Variants in TENM4 observed in about 807,000 individuals in gnomAD.
TENM4 encodes the protein teneurin-4.
Under a neutral mutation model 243.3 loss-of-function variants are expected in TENM4, and 82 were observed. That is an observed-to-expected ratio of 0.34 (90% CI 0.28 to 0.40). The LOEUF (loss-of-function observed/expected upper bound fraction) is 0.40. TENM4 is among the 10% of genes least tolerant of loss of function. TENM4 has a pLI of 1.00. For synonymous variants in TENM4, 1,412 were observed against 1,456.3 expected (o/e 0.97, Z 0.69); for missense variants, 3,138 against 3,673.3 (o/e 0.85, Z 3.77).
At chr11:78,677,013 G>A (rs1412075160) in intron 29 of TENM4, among the ~76,000 whole-genome samples, 1 of 152,116 alleles carries the variant, frequency 6.6e-6, no homozygotes, top group East Asian at 1.9e-4. Context: ...GAATGGGTAT[G>A]GGATTTCTCT....
At chr11:79,226,844 A>G (rs1864276759) in intron 2 of TENM4, among the ~76,000 whole-genome samples, 1 of 152,198 alleles carries the variant, frequency 6.6e-6, no homozygotes, top group South Asian at 2.1e-4. Context: ...GAAATTAGAA[A>G]AGAGCAAGAG....
chr11:78,763,340 C>T (rs940050703), intron 18 of TENM4, among the ~76,000 whole-genome samples: 1 of 152,088 alleles, frequency 6.6e-6, no homozygotes, highest in Non-Finnish European at 1.5e-5. Context: ...AGCCATGCTG[C>T]ACTCGAGTGG....
chr11:79,249,064 C>T (rs927451494), intron 2 of TENM4, among the ~76,000 whole-genome samples: 1 of 152,204 alleles, frequency 6.6e-6, no homozygotes, highest in Non-Finnish European at 1.5e-5. Context: ...TATTTAGCAT[C>T]ATTGACACAA....
chr11:79,134,069 T>C (rs1274151231), intron 4 of TENM4, among the ~76,000 whole-genome samples: 6 of 152,114 alleles, frequency 3.9e-5, no homozygotes, highest in Non-Finnish European at 7.4e-5. Flanking sequence ...CACTGTTTGC[T>C]GAAGATATGA....
rs1491578407 is a variant in TENM4 at position 79,138,331 on chromosome 11, T to TATATATA, written c.-66+10372_-66+10378dup. Among the ~76,000 whole-genome samples, 211 of 76,130 alleles carry TATATATA rather than the reference T, an allele frequency of 2.8e-3. 1 individual carries two copies. The highest frequency in any genetic ancestry group is 0.012 in the African/African-American group (193 of 15,662). 49.9% of individuals were successfully genotyped at this position (76,130 alleles called of 152,430 possible). On this transcript the variant is annotated intron_variant, in intron 4 of 33. Transcript: ENST00000278550. ...CCCCTTTATATATATATATATATAT[T>TATATATA]ATATATATAATATATAAAAATATAT...
At chr11:79,412,695 C>T (rs1357643015) in intron 1 of TENM4, among the ~76,000 whole-genome samples, 2 of 152,186 alleles carry the variant, frequency 1.3e-5, no homozygotes, top group Non-Finnish European at 2.9e-5. Flanking sequence ...CAAATAAATA[C>T]TCATCCCATC....
intron 6 of TENM4, among the ~76,000 whole-genome samples, chr11:78,954,320 C>A (rs1006785993): frequency 3.3e-5 from 5 of 152,188 alleles, no homozygotes; most frequent in Non-Finnish European, 1.5e-5. Flanking sequence ...GGTGAGCAGG[C>A]TGTGTGGGGG....
chr11:79,334,951 T>C (rs1484461585), intron 1 of TENM4, among the ~76,000 whole-genome samples: 3 of 152,238 alleles, frequency 2.0e-5, no homozygotes, highest in Non-Finnish European at 2.9e-5. Context: ...TACCGTGCCC[T>C]CCAACAAATG....
At chr11:79,320,569 C>T (rs1176549776) in intron 1 of TENM4, among the ~76,000 whole-genome samples, 7 of 152,160 alleles carry the variant, frequency 4.6e-5, no homozygotes, top group Non-Finnish European at 7.3e-5. Context: ...AGTTGAGAAG[C>T]TTGTCCAATG....
chr11:78,949,277 G>C (rs1359148929), intron 6 of TENM4, among the ~76,000 whole-genome samples: 1 of 152,146 alleles, frequency 6.6e-6, no homozygotes, highest in Non-Finnish European at 1.5e-5. Context: ...TTAATGCTCA[G>C]GCCCTTCCTT....
rs1242527390 is a variant in TENM4 at position 78,669,655 on chromosome 11, G to C, written c.6690C>G (p.Asn2230Lys). ...ACCGTAGTGGTGTGAGCCGTGCACTGTTCCCAGGGCTCAGTAAGTGCAGGT... is the reference window on the plus strand; with the variant it reads ...ACCGTAGTGGTGTGAGCCGTGCACTCTTCCCAGGGCTCAGTAAGTGCAGGT... The part of the protein sequence containing the change: ...NGNLHLLSPG[N>K]SARLTPLRYD... The change falls in exon 32 of 34, where the codon AAC (asparagine) becomes AAG (lysine). Residue 2230 changes from asparagine (N) to lysine (K), a missense_variant. By Grantham distance (94) the Asn-to-Lys change is moderately conservative (BLOSUM62 0). Transcript: ENST00000278550. The surrounding 1 kb of genome is among the most constrained non-coding windows in gnomAD (Gnocchi z 6.4). The C allele has an allele frequency of 3.1e-6, 5 of 1,614,016 alleles. No individual in the cohort carries two copies. The highest frequency in any genetic ancestry group is 3.4e-6 in the Non-Finnish European group (4 of 1,179,894).
intron 3 of TENM4, among the ~76,000 whole-genome samples, chr11:79,168,856 T>G (rs768871743): frequency 2.0e-5 from 3 of 152,198 alleles, no homozygotes; most frequent in Non-Finnish European, 2.9e-5. Flanking sequence ...TGCTCATCCC[T>G]GCCTGTTCTC....
rs1165248941 is a variant in TENM4, at chr11:79,373,918, T to C, written c.-321+66591A>G. 2.6e-5 allele frequency among the ~76,000 whole-genome samples: 4 copies of C among 152,112 alleles called. No homozygotes were observed. The South Asian group carries it at 6.2e-4, about 24-fold the overall frequency. On this transcript the variant is annotated intron_variant, in intron 1 of 33. Coordinates refer to ENST00000278550, the MANE Select transcript of TENM4 (RefSeq NM_001098816.3). ...TAGAGATTACTTTCATTTTCATGCA[T>C]TCCCAGGCAGAGGAAAGCAAGTGTT...
chr11:79,176,771 A>C (rs1212614562), intron 3 of TENM4, among the ~76,000 whole-genome samples: 2 of 152,244 alleles, frequency 1.3e-5, no homozygotes, highest in Non-Finnish European at 2.9e-5. Context: ...AGTCAGTGAT[A>C]ATAATATGGT....
intron 3 of TENM4, among the ~76,000 whole-genome samples, chr11:79,173,073 C>A (rs1267408055): frequency 6.6e-6 from 1 of 152,166 alleles, no homozygotes; most frequent in Admixed American, 6.5e-5. Context: ...CTCTACTGTA[C>A]CAAGAATCAA....
intron 6 of TENM4, among the ~76,000 whole-genome samples, chr11:79,035,611 T>G (rs1859357308): frequency 6.6e-6 from 1 of 152,180 alleles, no homozygotes. Context: ...AGCTATCTTG[T>G]TAACACAAAA....
At chr11:79,225,034 G>A (rs961410048) in intron 2 of TENM4, among the ~76,000 whole-genome samples, 1 of 152,076 alleles carries the variant, frequency 6.6e-6, no homozygotes, top group African/African-American at 2.4e-5. Flanking sequence ...TGGGATTCAC[G>A]CTGTCCCAAG....
intron 6 of TENM4, among the ~76,000 whole-genome samples, chr11:79,047,939 C>T (rs1859699573): frequency 6.6e-6 from 1 of 152,100 alleles, no homozygotes; most frequent in African/African-American, 2.4e-5. Context: ...TTGAAGAGCA[C>T]TTAATTAATA....
chr11:78,978,365 G>GAAAAGAAAA (rs1211075374), intron 6 of TENM4, among the ~76,000 whole-genome samples: 1 of 151,096 alleles, frequency 6.6e-6, no homozygotes, highest in African/African-American at 2.4e-5. Flanking sequence ...GAAAAGAAAA[G>GAAAAGAAAA]AAAAGAAAAG....
Sources: allele counts gnomAD v4.1 joint callset (sites outside exome capture counted in the v4.1 genomes callset), GRCh38; gene constraint gnomAD v4.1.1; non-coding constraint Gnocchi (gnomAD v3.1); transcripts MANE v1.5; gene names NCBI Gene and HGNC (gene_info 2026-07-23, HGNC 2026-07-21).